The following PACS2 variants were observed in gnomAD, a reference collection of about 807,000 sequenced individuals.
PACS2 encodes phosphofurin acidic cluster sorting protein 2.
A neutral mutation model predicts 113.0 loss-of-function variants in PACS2; 36 were observed. That is an observed-to-expected ratio of 0.32 (90% CI 0.24 to 0.42). The LOEUF is 0.42. PACS2 is among the 10% of genes least tolerant of loss of function. The pLI, the probability that PACS2 is intolerant of heterozygous loss-of-function variation, is 1.00. For missense variants in PACS2, 1,015 were observed against 1,239.5 expected, an observed-to-expected ratio of 0.82 and a Z score of 2.72; for synonymous variants, 589 against 536.1, an observed-to-expected ratio of 1.10 and a Z score of -1.36.
intron 1 of PACS2, among the ~76,000 whole-genome samples, chr14:105,336,019 T>G (rs2059503946): frequency 6.6e-6 from 1 of 152,164 alleles, no homozygotes; most frequent in South Asian, 2.1e-4. Context: ...GCCTGTGACA[T>G]TCCTCTGCCC....
At chr14:105,345,224 G>A (rs963171513) in intron 1 of PACS2, among the ~76,000 whole-genome samples, 3 of 152,076 alleles carry the variant, frequency 2.0e-5, no homozygotes, top group African/African-American at 7.2e-5. Flanking sequence ...TGCCTAACAC[G>A]GTGAAACCCC....
chr14:105,372,974 C>T (rs1174351305), intron 8 of PACS2: 1 of 151,910 alleles, frequency 6.6e-6, no homozygotes, highest in African/African-American at 2.4e-5. Context: ...GATTTGTATC[C>T]AATAGATATA....
chr14:105,355,249 T>C lies in PACS2; in HGVS notation c.423+72T>C. 1 of 1,512,788 alleles carries C rather than the reference T, an allele frequency of 6.6e-7. No homozygotes were observed. The highest frequency in any genetic ancestry group is 2.3e-5 in the East Asian group (1 of 43,550). The allele number at this position is 1,512,788 out of a possible 1,614,324, so 93.7% of individuals were successfully genotyped here. On this transcript the variant is annotated intron_variant, in intron 4 of 24. Transcript: ENST00000447393. This position sits in a 1 kb window ranked among gnomAD's most constrained non-coding sequence, Gnocchi z 4.1. The stretch of plus-strand genomic sequence containing the variant: ...TGCCAGAGCATTCGCCCGTGGGAGA[T>C]GGAGATGTCTCTCCCGGGTCCAGAT...
intron 16 of PACS2, chr14:105,384,119 A>G (rs1319907493): frequency 5.7e-6 from 3 of 524,406 alleles, no homozygotes; most frequent in Non-Finnish European, 1.0e-5. Flanking sequence ...GGCCTTCCTC[A>G]GTGGCACTCA....
In PACS2 at chr14:105,358,245, C is replaced by T. The variant is rs1003550286; in HGVS notation, c.423+3068C>T. On this transcript the variant is annotated intron_variant, in intron 4 of 24. Coordinates refer to ENST00000447393, the MANE Select transcript of PACS2 (RefSeq NM_001100913.3). The surrounding 1 kb of genome is among the most constrained non-coding windows in gnomAD (Gnocchi z 4.9). Reference sequence around the variant, plus strand: ...GGCCTCATGGGTGCCAGGAGCTGGACGCCGGCGTGGGGTGGCTTAGGTCTG... The same window carrying T: ...GGCCTCATGGGTGCCAGGAGCTGGATGCCGGCGTGGGGTGGCTTAGGTCTG... Among the ~76,000 whole-genome samples, 2 of 152,208 alleles carry T rather than the reference C, an allele frequency of 1.3e-5. No individual in the cohort carries two copies. Among genetic ancestry groups the T allele is most frequent in the Non-Finnish European group, 1.5e-5 (1 of 68,022 alleles).
intron 8 of PACS2, chr14:105,371,872 C>T (rs1328393728): frequency 1.3e-5 from 2 of 152,244 alleles, no homozygotes; most frequent in Admixed American, 6.5e-5. Flanking sequence ...GACTCGGTGT[C>T]TTGAGGGCCC....
Position 105,382,892 on chromosome 14 carries a change from T to C in PACS2, c.1604T>C (p.Ile535Thr). The C allele has an allele frequency of 6.2e-7, 1 of 1,603,030 alleles. No individual in the cohort carries two copies. Among genetic ancestry groups the C allele is most frequent in the Non-Finnish European group, 8.5e-7 (1 of 1,175,868 alleles). Reference sequence around the variant, plus strand: ...GACGTCCAGGCGGCCTTCAGCACCATCGTCTCACGGATACAGAGATAGTGA... The same window carrying C: ...GACGTCCAGGCGGCCTTCAGCACCACCGTCTCACGGATACAGAGATAGTGA... ...PADVQAAFST[I>T]VSRIQRYCNC... Residue 535 changes from isoleucine to threonine, a missense_variant, in exon 15 of 25, where the codon ATC (isoleucine) becomes ACC (threonine). Physicochemically the swap from Ile to Thr is moderately conservative, Grantham distance 89 (BLOSUM62 -1). Around this residue, in one of 3 missense-constraint regions of PACS2, gnomAD observed 859 missense variants for 1,056.8 expected, o/e 0.81. Coordinates refer to ENST00000447393, the MANE Select transcript of PACS2 (RefSeq NM_001100913.3).
chr14:105,367,178 G>C (rs782717530), intron 4 of PACS2, 35 bp from the exon 5 acceptor site: 4 of 1,599,144 alleles, frequency 2.5e-6, no homozygotes, highest in South Asian at 2.2e-5. Flanking sequence ...CCTTCCCGTC[G>C]TGCTGCTTTC....
At chr14:105,337,052 G>A (rs1225892756) in intron 1 of PACS2, among the ~76,000 whole-genome samples, 5 of 152,118 alleles carry the variant, frequency 3.3e-5, no homozygotes, top group South Asian at 2.1e-4. Context: ...CTGGGCCCTC[G>A]GTCAGCACCG....
chr14:105,368,963 T>C (rs2061051374), intron 7 of PACS2, among the ~76,000 whole-genome samples: 1 of 152,226 alleles, frequency 6.6e-6, no homozygotes, highest in Non-Finnish European at 1.5e-5. Flanking sequence ...TCAGCATTTT[T>C]TCCCTGAGGA....
chr14:105,355,198 G>T lies in PACS2; in HGVS notation c.423+21G>T. The stretch of plus-strand genomic sequence containing the variant: ...CTGAGGTGAGTGCTCCGTCTGGCGT[G>T]GCCTGCGTCGGGCTGGCCACCTGGG... On this transcript the variant is annotated intron_variant, in intron 4 of 24. Coordinates refer to ENST00000447393, the MANE Select transcript of PACS2 (RefSeq NM_001100913.3). The surrounding 1 kb of genome is among the most constrained non-coding windows in gnomAD (Gnocchi z 4.1). 6.2e-7 allele frequency: 1 copy of T among 1,608,228 alleles called. No individual in the cohort carries two copies. Among genetic ancestry groups the T allele is most frequent in the South Asian group, 1.1e-5 (1 of 90,644 alleles).
rs924183423 is a variant in PACS2 at position 105,352,474 on chromosome 14, C to T, written c.297+7C>T. ...CCTGACCTTCTCCTTGCAGGTGAGT[C>T]TTTCACCAGTGGTGACGACACCCTC... On this transcript the variant is annotated splice_region_variant and intron_variant, in intron 3 of 24. Transcript: ENST00000447393. 3.2e-6 allele frequency: 5 copies of T among 1,563,656 alleles called. No individual in the cohort carries two copies. Among genetic ancestry groups the T allele is most frequent in the Non-Finnish European group, 8.8e-7 (1 of 1,134,796 alleles).
upstream of PACS2, among the ~76,000 whole-genome samples, chr14:105,312,827 C>T (rs115238849): frequency 0.018 from 2,761 of 152,318 alleles, 84 homozygotes; most frequent in African/African-American, 0.061. Context: ...GCAGGCGTGA[C>T]ACATGGTGTG....
Position 105,381,171 on chromosome 14 carries a change from C to A in PACS2, c.1268+72C>A. The A allele has an allele frequency of 3.6e-6, 5 of 1,398,276 alleles. No homozygotes were observed. The South Asian group carries it at 3.9e-5, about 11-fold the overall frequency. 86.6% of individuals were successfully genotyped at this position (1,398,276 alleles called of 1,614,324 possible). On this transcript the variant is annotated intron_variant, in intron 12 of 24. Transcript: ENST00000447393. ...GGGAGGGGCCGTCACGGGCATCAGT[C>A]GGGGTGGGTGCGTGTCAGTCCATCC... is the stretch of plus-strand genomic sequence containing the variant.
chr14:105,384,914 C>T lies in PACS2; in HGVS notation c.1927C>T (p.Gln643Ter), dbSNP rs1555413191. 1 of 1,599,804 alleles carries T rather than the reference C, an allele frequency of 6.3e-7. No homozygotes were observed. Among genetic ancestry groups the T allele is most frequent in the Admixed American group, 1.7e-5 (1 of 58,282 alleles). Residue 643 changes from glutamine to a stop codon, truncating the protein, a stop_gained, in exon 18 of 25, where the codon CAG becomes TAG. Coordinates refer to ENST00000447393, the MANE Select transcript of PACS2 (RefSeq NM_001100913.3). LOFTEE classifies it high-confidence loss of function. ...GCCAGACATTGTGTCACGCATCACG[C>T]AGTACATCGCAGGGGCCAACTGTGC... ...DTPDIVSRIT[Q>*]YIAGANCAHQ...
At position 105,344,811 on chromosome 14, in the gene PACS2, T is replaced by TA. The variant is rs1475458972; in HGVS notation, c.120-3682_120-3681insA. Among the ~76,000 whole-genome samples the TA allele has an allele frequency of 3.9e-5, 6 of 152,218 alleles. No individual in the cohort carries two copies. In the East Asian group the frequency reaches 1.2e-3, roughly 29 times the overall value. On this transcript the variant is annotated intron_variant, in intron 1 of 24. Transcript: ENST00000447393. ...TTGGGGTTTAATATGTTCTTCTAGT[T>TA]TCTTAAGATGGAACCTTAGGGCTGG... is the stretch of plus-strand genomic sequence containing the variant.
intron 19 of PACS2, among the ~76,000 whole-genome samples, chr14:105,387,039 C>T (rs2081199873): frequency 6.6e-6 from 1 of 152,214 alleles, no homozygotes; most frequent in Non-Finnish European, 1.5e-5. Flanking sequence ...TCCCACCCTG[C>T]ACCTCCTGCC....
At chr14:105,390,884 C>T (rs976570847) in intron 20 of PACS2, 7 of 417,412 alleles carry the variant, frequency 1.7e-5, no homozygotes, top group Admixed American at 8.0e-5. Flanking sequence ...GGCCTATCCC[C>T]GTCGGCCCGC....
At chr14:105,307,065 G>A (rs1191854760) in intron 1 of PACS2, among the ~76,000 whole-genome samples, 1 of 150,262 alleles carries the variant, frequency 6.7e-6, no homozygotes, top group East Asian at 1.9e-4. Context: ...TTTTTTTTGA[G>A]GCAGGGTCTC....
Sources: gnomAD v4.1 joint callset for allele counts (sites outside exome capture counted in the v4.1 genomes callset) on GRCh38, gnomAD v4.1.1 for gene constraint, gnomAD v4.1.1 regional missense constraint, Gnocchi (gnomAD v3.1) non-coding constraint, MANE v1.5 for transcripts, NCBI Gene and HGNC (gene_info 2026-07-23, HGNC 2026-07-21) for gene names.